The following LRMDA variants were observed in gnomAD, a reference collection of about 807,000 sequenced individuals.
The protein encoded by LRMDA is leucine-rich melanocyte differentiation-associated protein.
In LRMDA, 18 loss-of-function variants were observed where a neutral mutation model predicts 29.8. The observed-to-expected ratio is 0.60, with a 90% CI of 0.42 to 0.90. LRMDA has a LOEUF of 0.90. Ranked by LOEUF, LRMDA falls within the 40% of genes least tolerant of loss-of-function variation. LRMDA has a pLI of 0.00. For synonymous variants in LRMDA, 125 were observed against 109.4 expected, an observed-to-expected ratio of 1.14 and a Z score of -0.89; for missense variants, 273 against 273.9, an observed-to-expected ratio of 1.00 and a Z score of 0.02.
chr10:75,537,327 A>G (rs143323523), intron 2 of LRMDA, among the ~76,000 whole-genome samples: 98 of 152,306 alleles, frequency 6.4e-4, no homozygotes, highest in Non-Finnish European at 1.0e-3. Context: ...AAGGCAGGCC[A>G]TGTGGCTGAG....
chr10:75,496,117 C>T (rs559497692), intron 2 of LRMDA, among the ~76,000 whole-genome samples: 2 of 152,288 alleles, frequency 1.3e-5, no homozygotes, highest in Admixed American at 1.3e-4. Context: ...TCATTTTGAG[C>T]ACTTTTACAG....
chr10:76,210,604 A>T (rs1851617864), intron 5 of LRMDA, among the ~76,000 whole-genome samples: 1 of 152,154 alleles, frequency 6.6e-6, no homozygotes. Flanking sequence ...GGCCAATATT[A>T]TGGCTGACAG....
At chr10:76,436,269 G>A (rs1170080619) in intron 6 of LRMDA, among the ~76,000 whole-genome samples, 1 of 152,188 alleles carries the variant, frequency 6.6e-6, no homozygotes, top group Non-Finnish European at 1.5e-5. Flanking sequence ...TAAATGCAGA[G>A]TCATTAATGC....
At chr10:76,454,614 C>T (rs934351848) in intron 6 of LRMDA, among the ~76,000 whole-genome samples, 4 of 151,236 alleles carry the variant, frequency 2.6e-5, no homozygotes, top group East Asian at 2.0e-4. Context: ...CTGTTCTCAC[C>T]GCCACCCCCC....
intron 6 of LRMDA, among the ~76,000 whole-genome samples, chr10:76,422,169 G>A (rs549669472): frequency 3.3e-5 from 5 of 152,138 alleles, no homozygotes; most frequent in African/African-American, 1.2e-4. Flanking sequence ...ATAAGACTGT[G>A]AAGTTTGGTT....
chr10:75,652,749 C>G (rs1223471891), intron 2 of LRMDA, among the ~76,000 whole-genome samples: 1 of 152,172 alleles, frequency 6.6e-6, no homozygotes, highest in Non-Finnish European at 1.5e-5. Flanking sequence ...TTTCTTCTAT[C>G]TGTCCAGGAA....
chr10:76,484,106 TC>T (rs1211314394), intron 6 of LRMDA, among the ~76,000 whole-genome samples: 1 of 151,676 alleles, frequency 6.6e-6, no homozygotes, highest in African/African-American at 2.4e-5. Context: ...CCATTCCCTT[TC>T]CCTTCTTCTT....
intron 5 of LRMDA, among the ~76,000 whole-genome samples, chr10:76,221,249 A>C (rs1441130422): frequency 6.6e-6 from 1 of 152,170 alleles, no homozygotes; most frequent in Non-Finnish European, 1.5e-5. Context: ...CCTATTCAAC[A>C]TAGTGTTGGA....
chr10:75,528,720 C>A (rs1258059836), intron 2 of LRMDA, among the ~76,000 whole-genome samples: 1 of 151,946 alleles, frequency 6.6e-6, no homozygotes, highest in African/African-American at 2.4e-5. Context: ...TTATGAGAAA[C>A]CTCTAGCATG....
At chr10:75,968,000 C>T (rs1281975971) in intron 2 of LRMDA, among the ~76,000 whole-genome samples, 6 of 152,064 alleles carry the variant, frequency 3.9e-5, no homozygotes, top group African/African-American at 1.2e-4. Context: ...AGATTAAAGG[C>T]GAAGTGCTGA....
At chr10:76,042,015 T>G (rs1331593527) in intron 3 of LRMDA, among the ~76,000 whole-genome samples, 1 of 152,142 alleles carries the variant, frequency 6.6e-6, no homozygotes, top group Non-Finnish European at 1.5e-5. Flanking sequence ...TGTGGTCAAT[T>G]TTCTATGCAT....
chr10:76,323,840 T>A (rs960067461), intron 5 of LRMDA, among the ~76,000 whole-genome samples: 5 of 152,222 alleles, frequency 3.3e-5, no homozygotes, highest in Non-Finnish European at 5.9e-5. Flanking sequence ...AATCCAAATT[T>A]CAGACGTATT....
chr10:76,167,600 C>T (rs1589360685), intron 5 of LRMDA, among the ~76,000 whole-genome samples: 1 of 152,038 alleles, frequency 6.6e-6, no homozygotes, highest in African/African-American at 2.4e-5. Context: ...TTATTCTGTT[C>T]CATTGGTCTA....
At chr10:76,038,731 T>C (rs939730882) in intron 3 of LRMDA, among the ~76,000 whole-genome samples, 1 of 152,218 alleles carries the variant, frequency 6.6e-6, no homozygotes, top group Non-Finnish European at 1.5e-5. Flanking sequence ...CAACAATTTC[T>C]AGGTTCCATA....
chr10:76,077,991 C>CTTTT (rs1564646877), intron 5 of LRMDA, among the ~76,000 whole-genome samples: 9 of 83,432 alleles, frequency 1.1e-4, no homozygotes, highest in Non-Finnish European at 1.6e-4. Context: ...GCAATATTAA[C>CTTTT]ATTTTTTTTT....
intron 5 of LRMDA, among the ~76,000 whole-genome samples, chr10:76,172,262 G>C (rs979423695): frequency 6.6e-6 from 1 of 152,110 alleles, no homozygotes; most frequent in African/African-American, 2.4e-5. Flanking sequence ...TTTTGTCAGG[G>C]ACACACCCCA....
chr10:76,423,735 C>T (rs1471045214), intron 6 of LRMDA, among the ~76,000 whole-genome samples: 1 of 152,100 alleles, frequency 6.6e-6, no homozygotes. Flanking sequence ...AATCTGATGC[C>T]CTAACTCAGC....
At chr10:75,462,774 G>T (rs1262707685) in intron 2 of LRMDA, among the ~76,000 whole-genome samples, 5 of 152,170 alleles carry the variant, frequency 3.3e-5, no homozygotes, top group Non-Finnish European at 5.9e-5. Flanking sequence ...TTATTATAAG[G>T]TCATCTCTCA....
intron 2 of LRMDA, among the ~76,000 whole-genome samples, chr10:75,684,737 G>T (rs1842063031): frequency 6.6e-6 from 1 of 152,146 alleles, no homozygotes; most frequent in Non-Finnish European, 1.5e-5. Flanking sequence ...ATCTTGATTT[G>T]CAGTGGAAGA....
Sources: gnomAD v4.1 joint callset for allele counts (sites outside exome capture counted in the v4.1 genomes callset) on GRCh38, gnomAD v4.1.1 for gene constraint, MANE v1.5 for transcripts, NCBI Gene and HGNC (gene_info 2026-07-23, HGNC 2026-07-21) for gene names.